The following PRKG2 variants were observed in gnomAD, a reference collection of about 807,000 sequenced individuals.
PRKG2 encodes cGMP-dependent protein kinase 2.
Under a neutral mutation model 97.2 loss-of-function variants are expected in PRKG2, and 33 were observed. The ratio of observed to expected loss-of-function variants is 0.34; its 90% CI spans 0.26 to 0.45. PRKG2 has a LOEUF of 0.45. Among genes scored for constraint, PRKG2 ranks in the 20% least tolerant of loss-of-function variants. PRKG2 has a pLI of 1.00. For missense variants in PRKG2, 638 were observed against 900.0 expected, an observed-to-expected ratio of 0.71 and a Z score of 3.73; for synonymous variants, 330 against 321.8, an observed-to-expected ratio of 1.03 and a Z score of -0.27.
rs74882797 is a variant in PRKG2, at chr4:81,192,231, T to C, written c.461+12356A>G. The C allele has an allele frequency of 7.6e-4, 115 of 152,276 alleles. 2 individuals are homozygous for C. The East Asian group carries it at 0.012, about 16-fold the overall frequency. The allele number at this position is 152,276 out of a possible 1,614,324, so 9.4% of individuals were successfully genotyped here. On this transcript the variant is annotated intron_variant, in intron 2 of 18. Transcript: ENST00000264399. ...GTACACACTCCGTACTTCCATTAAA[T>C]AAATTTCAACAACAGGTAAAAAGTA...
Position 81,116,090 on chromosome 4 carries a change from T to C in PRKG2, c.1777-5479A>G, listed in dbSNP as rs542596463. 1.4e-4 allele frequency among the ~76,000 whole-genome samples: 22 copies of C among 152,276 alleles called. 1 individual carries two copies. The highest frequency in any genetic ancestry group is 5.3e-4 in the African/African-American group (22 of 41,552). Reference sequence around the variant, plus strand: ...TGTGCAGGTTTGTTATATAAGTAAATTGTGAGTCACAGGGGTTTGGTGTAC... The same window carrying C: ...TGTGCAGGTTTGTTATATAAGTAAACTGTGAGTCACAGGGGTTTGGTGTAC... On this transcript the variant is annotated intron_variant, in intron 14 of 18. Transcript: ENST00000264399.
chr4:81,169,815 G>A (rs769699708), intron 4 of PRKG2, 47 bp from the exon 5 acceptor site: 3 of 1,200,180 alleles, frequency 2.5e-6, no homozygotes, highest in South Asian at 2.9e-5. Context: ...ACAACATTGT[G>A]AAAACATTCC....
chr4:81,101,144 G>A (rs1258608890), intron 17 of PRKG2, among the ~76,000 whole-genome samples: 1 of 151,664 alleles, frequency 6.6e-6, no homozygotes, highest in Non-Finnish European at 1.5e-5. Flanking sequence ...CAACCATTGT[G>A]GAAGTCAGTG....
intron 6 of PRKG2, among the ~76,000 whole-genome samples, chr4:81,155,315 G>C (rs1416164152): frequency 6.6e-6 from 1 of 152,036 alleles, no homozygotes; most frequent in Non-Finnish European, 1.5e-5. Flanking sequence ...CGATCAGCTG[G>C]AAGAAAGGGT....
intron 6 of PRKG2, among the ~76,000 whole-genome samples, chr4:81,157,223 T>C (rs1216672829): frequency 5.3e-5 from 8 of 151,728 alleles, no homozygotes; most frequent in South Asian, 2.1e-4. Context: ...ATCAAATAGA[T>C]GCAATAAAAA....
intron 14 of PRKG2, among the ~76,000 whole-genome samples, chr4:81,128,004 C>T (rs1446465038): frequency 6.6e-6 from 1 of 152,104 alleles, no homozygotes; most frequent in East Asian, 1.9e-4. Flanking sequence ...AGATACGTTC[C>T]ATTAATGCCT....
At chr4:81,112,459 T>C (rs1478476860) in intron 14 of PRKG2, among the ~76,000 whole-genome samples, 1 of 152,242 alleles carries the variant, frequency 6.6e-6, no homozygotes, top group Non-Finnish European at 1.5e-5. Flanking sequence ...TGTTGGTTTA[T>C]AACAGACTTT....
intron 6 of PRKG2, among the ~76,000 whole-genome samples, chr4:81,156,521 C>T (rs1387533175): frequency 2.6e-5 from 4 of 152,042 alleles, no homozygotes; most frequent in Non-Finnish European, 4.4e-5. Flanking sequence ...GACAGATCAA[C>T]GAGACAGAAA....
At chr4:81,096,512 G>A (rs1398014786) in intron 17 of PRKG2, among the ~76,000 whole-genome samples, 5 of 152,098 alleles carry the variant, frequency 3.3e-5, no homozygotes, top group Middle Eastern at 3.4e-3. Flanking sequence ...CTCCAGCCTG[G>A]GTGACAGTGA....
intron 6 of PRKG2, among the ~76,000 whole-genome samples, chr4:81,159,834 T>C (rs2110070632): frequency 6.6e-6 from 1 of 151,828 alleles, no homozygotes; most frequent in East Asian, 1.9e-4. Context: ...TTGGAAATCA[T>C]CATTCTCAGT....
At chr4:81,127,699 G>GCA (rs1745742373) in intron 14 of PRKG2, among the ~76,000 whole-genome samples, 1 of 152,196 alleles carries the variant, frequency 6.6e-6, no homozygotes, top group Non-Finnish European at 1.5e-5. Flanking sequence ...AGACTTTGCT[G>GCA]AAGTTGCTTA....
At chr4:81,094,058 T>C (rs1741873214) in intron 17 of PRKG2, among the ~76,000 whole-genome samples, 1 of 152,176 alleles carries the variant, frequency 6.6e-6, no homozygotes. Flanking sequence ...ATAAAATATC[T>C]GCAAGGTGCA....
At chr4:81,194,857 C>T (rs1334387944) in intron 2 of PRKG2, among the ~76,000 whole-genome samples, 1 of 152,164 alleles carries the variant, frequency 6.6e-6, no homozygotes, top group Non-Finnish European at 1.5e-5. Flanking sequence ...GGGAAACCTG[C>T]TCCTATAACA....
chr4:81,156,517 T>G (rs1420587442), intron 6 of PRKG2, among the ~76,000 whole-genome samples: 1 of 151,988 alleles, frequency 6.6e-6, no homozygotes, highest in South Asian at 2.1e-4. Context: ...ATTAGACAGA[T>G]CAACGAGACA....
At chr4:81,125,878 G>GT (rs1405456877) in intron 14 of PRKG2, among the ~76,000 whole-genome samples, 8 of 151,700 alleles carry the variant, frequency 5.3e-5, no homozygotes, top group East Asian at 1.9e-4. Context: ...TTTGTGAAGT[G>GT]TTTTTTTTAA....
At chr4:81,131,023 C>G (rs1034610852) in intron 14 of PRKG2, among the ~76,000 whole-genome samples, 14 of 152,292 alleles carry the variant, frequency 9.2e-5, no homozygotes, top group Middle Eastern at 3.4e-3. Flanking sequence ...CCAAGTGCCA[C>G]TGGGGTATGA....
At chr4:81,167,807 AAAC>A (rs924300951) in intron 5 of PRKG2, among the ~76,000 whole-genome samples, 1 of 152,006 alleles carries the variant, frequency 6.6e-6, no homozygotes. Context: ...GCAAAATTAT[AAAC>A]AACACCAAGG....
chr4:81,110,473 G>A lies in PRKG2; in HGVS notation c.1915C>T (p.Leu639=). Reference sequence around the variant, plus strand: ...TTGCCCGTTAGGAGCTCATACACTAGAATTCCCAGTGACCAGAAATCCACA... The same window carrying A: ...TTGCCCGTTAGGAGCTCATACACTAAAATTCCCAGTGACCAGAAATCCACA... ...FSVDFWSLGI[L]VYELLTGNPP... is the part of the protein sequence containing the mutation. The change falls in exon 15 of 19, where the codon CTA becomes TTA. Residue 639 remains leucine (L), a synonymous_variant. Transcript: ENST00000264399. The A allele has an allele frequency of 6.2e-7, 1 of 1,613,720 alleles. No homozygotes were observed. The highest frequency in any genetic ancestry group is 1.3e-5 in the African/African-American group (1 of 74,968).
intron 6 of PRKG2, 112 bp downstream of exon 6, chr4:81,167,049 G>T: frequency 5.4e-6 from 4 of 734,616 alleles, no homozygotes; most frequent in Non-Finnish European, 8.5e-6. Flanking sequence ...AAAGGCTCTT[G>T]GTCTCTGTAG....
Sources: gnomAD v4.1 joint callset for allele counts (sites outside exome capture counted in the v4.1 genomes callset) on GRCh38, gnomAD v4.1.1 for gene constraint, MANE v1.5 for transcripts, NCBI Gene and HGNC (gene_info 2026-07-23, HGNC 2026-07-21) for gene names.